The following STAB2 variants were observed in gnomAD, a reference collection of about 807,000 sequenced individuals.
STAB2 encodes the protein stabilin 2, also known as stabilin-2.
In STAB2, 288 loss-of-function variants were observed where a neutral mutation model predicts 338.1. The ratio of observed to expected loss-of-function variants is 0.85; its 90% CI spans 0.77 to 0.94. STAB2 has a LOEUF of 0.94. Ranked by LOEUF, STAB2 falls within the 40% of genes least tolerant of loss-of-function variation. The probability of loss-of-function intolerance (pLI) is 0.00; values close to 1 mark genes in which losing one functional copy is unlikely to be tolerated. For synonymous variants in STAB2, 1,202 were observed against 1,193.3 expected, an observed-to-expected ratio of 1.01 and a Z score of -0.15; for missense variants, 3,141 against 3,210.1, an observed-to-expected ratio of 0.98 and a Z score of 0.52.
chr12:103,715,267 G>T (rs967425875), intron 42 of STAB2, among the ~76,000 whole-genome samples: 1 of 152,088 alleles, frequency 6.6e-6, no homozygotes, highest in Admixed American at 6.6e-5. Context: ...TGTTAATTTT[G>T]ACCACTCAGT....
At chr12:103,690,301 C>G in intron 29 of STAB2, 123 bp from the exon 30 acceptor site, 1 of 876,050 alleles carries the variant, frequency 1.1e-6, no homozygotes, top group Non-Finnish European at 1.7e-6. Context: ...AGGCTGGTAA[C>G]TGCAGGGGGA....
intron 21 of STAB2, 53 bp downstream of exon 21, chr12:103,669,680 A>G (rs1875551222): frequency 6.6e-7 from 1 of 1,518,358 alleles, no homozygotes; most frequent in Admixed American, 1.7e-5. Context: ...TAATTTTTAG[A>G]ACTTCTAAAC....
intron 64 of STAB2, 101 bp from the exon 65 acceptor site, chr12:103,759,032 C>A: frequency 6.3e-7 from 1 of 1,592,442 alleles, no homozygotes; most frequent in South Asian, 1.1e-5. Flanking sequence ...GCAGGAAAGC[C>A]TAGGCCATGA....
At chr12:103,632,517 T>C (rs1957479097) in intron 6 of STAB2, among the ~76,000 whole-genome samples, 1 of 151,924 alleles carries the variant, frequency 6.6e-6, no homozygotes, top group East Asian at 1.9e-4. Flanking sequence ...CTGAGGCTGG[T>C]GGGTGAGGCA....
At chr12:103,667,565 A>G (rs1015419902) in intron 19 of STAB2, among the ~76,000 whole-genome samples, 1 of 152,218 alleles carries the variant, frequency 6.6e-6, no homozygotes, top group Non-Finnish European at 1.5e-5. Context: ...AAGGGAAATT[A>G]GACACATGGG....
chr12:103,743,629 T>A (rs560141930), intron 56 of STAB2, among the ~76,000 whole-genome samples: 1 of 152,260 alleles, frequency 6.6e-6, no homozygotes, highest in African/African-American at 2.4e-5. Flanking sequence ...TGGTAGCCAC[T>A]AGGCACATGT....
At chr12:103,694,629 T>C (rs1178554353) in intron 31 of STAB2, among the ~76,000 whole-genome samples, 2 of 152,140 alleles carry the variant, frequency 1.3e-5, no homozygotes, top group African/African-American at 4.8e-5. Flanking sequence ...CTTTCTACTG[T>C]AGTATGCTGT....
At chr12:103,759,348 A>G (rs1364300316) in intron 65 of STAB2, 75 bp downstream of exon 65, 4 of 1,556,036 alleles carry the variant, frequency 2.6e-6, no homozygotes, top group Non-Finnish European at 3.5e-6. Context: ...GTAGGTGCTT[A>G]ATAGATGGCA....
Position 103,660,354 on chromosome 12 carries a change from C to T in STAB2, c.1758C>T (p.Leu586=), listed in dbSNP as rs764848052. ...SPEGSRKLLE[L]VRYHIVPFTQ... is the part of the protein sequence containing the mutation. ...AGGGATCTCGGAAGCTTCTGGAACT[C>T]GTCAGATACCACATTGTCCCATTTA... The change falls in exon 16 of 69, where the codon CTC becomes CTT. Residue 586 remains leucine (L), a synonymous_variant. Transcript: ENST00000388887. 1.4e-5 allele frequency: 22 copies of T among 1,614,050 alleles called. No individual in the cohort carries two copies. Among genetic ancestry groups the T allele is most frequent in the Non-Finnish European group, 1.8e-5 (21 of 1,180,050 alleles).
At chr12:103,664,195 G>A (rs951213602) in intron 18 of STAB2, among the ~76,000 whole-genome samples, 18 of 152,140 alleles carry the variant, frequency 1.2e-4, no homozygotes, top group African/African-American at 4.1e-4. Flanking sequence ...CCAGGCTGGA[G>A]TGCAGTGGCA....
At chr12:103,621,399 GA>G (rs377332892) in intron 4 of STAB2, among the ~76,000 whole-genome samples, 289 of 152,264 alleles carry the variant, frequency 1.9e-3, no homozygotes, top group African/African-American at 6.7e-3. Flanking sequence ...TAAATACAAG[GA>G]AATCCTTCTG....
chr12:103,632,814 A>G (rs1164580625), intron 6 of STAB2, among the ~76,000 whole-genome samples: 1 of 152,156 alleles, frequency 6.6e-6, no homozygotes, highest in Non-Finnish European at 1.5e-5. Context: ...TCGACCTGTG[A>G]AGGAGAAACT....
Position 103,753,035 on chromosome 12 carries a change from A to T in STAB2, c.6581-185A>T, listed in dbSNP as rs34738204. ...CTAATTTCTACAATGAACATATGCTAGTTTTATAGTTAGAAAAGAAATATT... is the reference window on the plus strand; with the variant it reads ...CTAATTTCTACAATGAACATATGCTTGTTTTATAGTTAGAAAAGAAATATT... On this transcript the variant is annotated intron_variant, in intron 60 of 68. Transcript: ENST00000388887. Among the ~76,000 whole-genome samples, 30,420 of 152,200 alleles carry T rather than the reference A, an allele frequency of 0.2. 3,391 individuals are homozygous for T. The highest frequency in any genetic ancestry group is 0.25 in the Non-Finnish European group (16,759 of 67,994).
At chr12:103,609,552 T>G (rs1329119055) in intron 3 of STAB2, among the ~76,000 whole-genome samples, 1 of 152,204 alleles carries the variant, frequency 6.6e-6, no homozygotes, top group Non-Finnish European at 1.5e-5. Flanking sequence ...CCTGAGACTT[T>G]GCTGAAGTTG....
Position 103,676,031 on chromosome 12 carries a change from G to T in STAB2, c.2646+10G>T, listed in dbSNP as rs566941476. ...AGGCTGTAGCCGCAATGTGAGTACT[G>T]GTCTTCATTTCCACCCTGCCTGGTT... On this transcript the variant is annotated intron_variant, in intron 24 of 68. Coordinates refer to ENST00000388887, the MANE Select transcript of STAB2 (RefSeq NM_017564.10). The T allele has an allele frequency of 3.2e-6, 5 of 1,539,094 alleles. No homozygotes were observed. In the African/African-American group the frequency reaches 5.6e-5, roughly 17 times the overall value.
intron 6 of STAB2, among the ~76,000 whole-genome samples, chr12:103,632,474 A>C (rs985077677): frequency 2.6e-5 from 4 of 152,188 alleles, no homozygotes; most frequent in Admixed American, 1.3e-4. Context: ...GTCACCTAGC[A>C]GGCATGGGGC....
At chr12:103,697,759 GAA>G (rs1878525821) in intron 33 of STAB2, among the ~76,000 whole-genome samples, 1 of 152,220 alleles carries the variant, frequency 6.6e-6, no homozygotes, top group African/African-American at 2.4e-5. Context: ...GTTAAAGTGA[GAA>G]AGAAATATCA....
intron 63 of STAB2, among the ~76,000 whole-genome samples, chr12:103,757,032 A>ATATATAT (rs1406463203): frequency 7.5e-6 from 1 of 132,998 alleles, no homozygotes; most frequent in Non-Finnish European, 1.6e-5. Context: ...TATATATATA[A>ATATATAT]AATATATATA....
rs1882514512 is a variant in STAB2 at position 103,740,727 on chromosome 12, G to A, written c.5852G>A (p.Cys1951Tyr). The A allele has an allele frequency of 6.3e-7, 1 of 1,597,890 alleles. No homozygotes were observed. Among genetic ancestry groups the A allele is most frequent in the South Asian group, 1.1e-5 (1 of 88,016 alleles). Residue 1951 changes from cysteine (C) to tyrosine (Y), a missense_variant, in exon 55 of 69, where the codon TGC (cysteine) becomes TAC (tyrosine). Cys to Tyr is a radical substitution (Grantham distance 194, BLOSUM62 -2). Coordinates refer to ENST00000388887, the MANE Select transcript of STAB2 (RefSeq NM_017564.10). The part of the protein sequence containing the change: ...CSLVIQIPRC[C>Y]KGYFGRDCQA... ...CTGGTGATACAGATCCCCAGGTGCT[G>A]CAAGGGCTACTTCGGGCGAGACTGT...
Sources: allele counts gnomAD v4.1 joint callset (sites outside exome capture counted in the v4.1 genomes callset), GRCh38; gene constraint gnomAD v4.1.1; transcripts MANE v1.5; gene names NCBI Gene and HGNC (gene_info 2026-07-23, HGNC 2026-07-21).